The following IFT74 variants were observed in gnomAD, a reference collection of about 807,000 sequenced individuals.
IFT74 encodes the protein intraflagellar transport protein 74 homolog.
In IFT74, 92 loss-of-function variants were observed where a neutral mutation model predicts 96.7. The observed-to-expected ratio is 0.95, with a 90% CI of 0.80 to 1.13. The LOEUF is 1.13. Among genes scored for constraint, IFT74 ranks in the 50% most tolerant of loss-of-function variants. The pLI is 0.00. For missense variants in IFT74, 811 were observed against 698.2 expected, an observed-to-expected ratio of 1.16 and a Z score of -1.82; for synonymous variants, 223 against 213.2, an observed-to-expected ratio of 1.05 and a Z score of -0.40.
intron 13 of IFT74, among the ~76,000 whole-genome samples, chr9:27,036,055 CAATAAAGTAAGCTAGAGAAAAGAAAA>C (rs1338552597): frequency 1.3e-5 from 2 of 152,092 alleles, no homozygotes; most frequent in East Asian, 1.9e-4. Context: ...TGTATTCTTA[CAATAAAGTAAGCTAGAGAAAAGAAAA>C]TGTTATTAAG....
chr9:26,971,273 A>G (rs916404127), intron 2 of IFT74, among the ~76,000 whole-genome samples: 15 of 152,122 alleles, frequency 9.9e-5, no homozygotes, highest in African/African-American at 3.6e-4. Flanking sequence ...TCCCCTGAGG[A>G]GTGATTTTCT....
chr9:27,001,486 T>C (rs1828487968), intron 8 of IFT74, among the ~76,000 whole-genome samples: 1 of 152,204 alleles, frequency 6.6e-6, no homozygotes, highest in Non-Finnish European at 1.5e-5. Flanking sequence ...CCTGTCATAT[T>C]GATAGAAGCT....
At chr9:27,044,035 G>GA (rs1391863906) in intron 13 of IFT74, among the ~76,000 whole-genome samples, 1 of 152,086 alleles carries the variant, frequency 6.6e-6, no homozygotes, top group Non-Finnish European at 1.5e-5. Context: ...CTTTAACATG[G>GA]ATCTTATAAG....
chr9:26,997,263 G>A (rs924123280), intron 8 of IFT74, among the ~76,000 whole-genome samples: 2 of 150,788 alleles, frequency 1.3e-5, no homozygotes, highest in African/African-American at 4.9e-5. Context: ...GGGAAGGAGA[G>A]CATCTATGCA....
At chr9:27,001,913 A>G (rs1273375755) in intron 8 of IFT74, among the ~76,000 whole-genome samples, 1 of 150,846 alleles carries the variant, frequency 6.6e-6, no homozygotes, top group Non-Finnish European at 1.5e-5. Flanking sequence ...AGTGTTCTAG[A>G]GCAATTCTCC....
At chr9:26,976,075 T>C (rs1827109338) in intron 2 of IFT74, among the ~76,000 whole-genome samples, 1 of 152,198 alleles carries the variant, frequency 6.6e-6, no homozygotes, top group Non-Finnish European at 1.5e-5. Flanking sequence ...TGCACAGAGT[T>C]ACTTGGTCGC....
intron 9 of IFT74, among the ~76,000 whole-genome samples, chr9:27,010,730 A>T (rs974793321): frequency 1.3e-5 from 2 of 151,518 alleles, no homozygotes; most frequent in African/African-American, 4.9e-5. Flanking sequence ...GGCTTCCCAA[A>T]GTGCTGGTAT....
intron 2 of IFT74, among the ~76,000 whole-genome samples, chr9:26,968,432 T>G (rs36054357): frequency 0.12 from 18,095 of 152,088 alleles, 1,433 homozygotes; most frequent in Non-Finnish European, 0.17. Context: ...TGGCTAATTT[T>G]TATATTTTTA....
intron 19 of IFT74, among the ~76,000 whole-genome samples, chr9:27,061,288 C>A (rs1371292904): frequency 6.6e-6 from 1 of 152,094 alleles, no homozygotes; most frequent in African/African-American, 2.4e-5. Context: ...GTTGGGCGAT[C>A]CAATTTTAAA....
At chr9:27,014,222 TA>T (rs917852034) in intron 10 of IFT74, among the ~76,000 whole-genome samples, 3 of 150,922 alleles carry the variant, frequency 2.0e-5, no homozygotes, top group African/African-American at 7.3e-5. Flanking sequence ...CTAAAAAAAG[TA>T]AAAAAAAAGC....
At chr9:27,002,074 C>G (rs940166617) in intron 8 of IFT74, among the ~76,000 whole-genome samples, 1 of 152,080 alleles carries the variant, frequency 6.6e-6, no homozygotes, top group Non-Finnish European at 1.5e-5. Flanking sequence ...GCATGTCTTA[C>G]ATGGCTAGAG....
upstream of IFT74, among the ~76,000 whole-genome samples, chr9:26,952,042 G>C (rs1451300001): frequency 2.0e-5 from 3 of 152,178 alleles, no homozygotes; most frequent in Non-Finnish European, 4.4e-5. Flanking sequence ...TTGTTTTCAA[G>C]CTTTTGGTGC....
chr9:27,002,090 G>A (rs1828529095), intron 8 of IFT74, among the ~76,000 whole-genome samples: 1 of 152,122 alleles, frequency 6.6e-6, no homozygotes, highest in Admixed American at 6.5e-5. Flanking sequence ...TAGAGAAGGA[G>A]GAAGAAAGAG....
intron 12 of IFT74, among the ~76,000 whole-genome samples, chr9:27,020,764 G>A (rs1270515736): frequency 6.6e-6 from 1 of 151,974 alleles, no homozygotes. Context: ...GTGACCTACC[G>A]CGCCTGGCCT....
intron 6 of IFT74, 126 bp downstream of exon 6, chr9:26,984,685 C>A: frequency 1.5e-6 from 1 of 657,590 alleles, no homozygotes; most frequent in Non-Finnish European, 2.6e-6. Flanking sequence ...AACATGCAGC[C>A]AACAAGCATA....
intron 16 of IFT74, among the ~76,000 whole-genome samples, 196 bp from the exon 17 acceptor site, chr9:27,055,413 T>G (rs1820117469): frequency 6.6e-6 from 1 of 152,148 alleles, no homozygotes; most frequent in Non-Finnish European, 1.5e-5. Context: ...CCCTAATATA[T>G]TGGTTACCTG....
chr9:27,029,140 G>C lies in IFT74; in HGVS notation c.1054+36G>C, dbSNP rs1182749940. On this transcript the variant is annotated intron_variant, in intron 13 of 19. Coordinates refer to ENST00000380062, the MANE Select transcript of IFT74 (RefSeq NM_025103.4). ...GGTATTTTTATAATGTAGATTAACAGATGTTTAGCAGTATTAATATAGTGT... is the reference window on the plus strand; with the variant it reads ...GGTATTTTTATAATGTAGATTAACACATGTTTAGCAGTATTAATATAGTGT... 5 of 1,508,068 alleles carry C rather than the reference G, an allele frequency of 3.3e-6. 1 individual carries two copies. In the South Asian group the frequency reaches 6.0e-5, roughly 18 times the overall value. The allele number at this position is 1,508,068 out of a possible 1,614,324, so 93.4% of individuals were successfully genotyped here.
chr9:27,048,382 T>C, intron 16 of IFT74, 108 bp downstream of exon 16: 1 of 710,462 alleles, frequency 1.4e-6, no homozygotes, highest in East Asian at 2.9e-5. Flanking sequence ...TATGATTGCC[T>C]ATTGCCCCAG....
intron 8 of IFT74, chr9:26,997,625 C>T (rs916840870): frequency 9.6e-6 from 12 of 1,250,356 alleles, no homozygotes; most frequent in Admixed American, 2.7e-5. Context: ...TGAGCCACTG[C>T]GCCTGGCTGC....
Sources: gnomAD v4.1 joint callset for allele counts (sites outside exome capture counted in the v4.1 genomes callset) on GRCh38, gnomAD v4.1.1 for gene constraint, MANE v1.5 for transcripts, NCBI Gene and HGNC (gene_info 2026-07-23, HGNC 2026-07-21) for gene names.